Variants in RAPGEF2 observed in about 807,000 individuals in gnomAD.
RAPGEF2 encodes PDZ domain containing guanine nucleotide exchange factor (GEF) 1.
In RAPGEF2, 54 loss-of-function variants were observed where a neutral mutation model predicts 186.7. The observed-to-expected ratio is 0.29, with a 90% CI of 0.23 to 0.36. The LOEUF (loss-of-function observed/expected upper bound fraction) is 0.36, where lower values mean the gene tolerates loss of function less well. Among genes scored for constraint, RAPGEF2 ranks in the 10% least tolerant of loss-of-function variants. The pLI is 1.00. For missense variants in RAPGEF2, 1,532 were observed against 2,045.0 expected (o/e 0.75, Z 4.84); for synonymous variants, 712 against 705.9 (o/e 1.01, Z -0.14).
At chr4:159,294,152 T>C (rs1008439306) in intron 7 of RAPGEF2, among the ~76,000 whole-genome samples, 2 of 152,244 alleles carry the variant, frequency 1.3e-5, no homozygotes, top group African/African-American at 4.8e-5. Flanking sequence ...TATGGGTTAA[T>C]GTTTTTAATT....
At chr4:159,176,719 A>G (rs1006003362) in intron 1 of RAPGEF2, among the ~76,000 whole-genome samples, 15 of 152,258 alleles carry the variant, frequency 9.9e-5, no homozygotes, top group East Asian at 1.9e-4. Flanking sequence ...AGTAACTCCA[A>G]TGTGACCTGA....
chr4:159,254,992 C>T (rs914909120), intron 7 of RAPGEF2, among the ~76,000 whole-genome samples: 1 of 152,176 alleles, frequency 6.6e-6, no homozygotes, highest in Non-Finnish European at 1.5e-5. Context: ...AGATGAAGTA[C>T]AGTATTTTTA....
intron 7 of RAPGEF2, among the ~76,000 whole-genome samples, chr4:159,290,443 G>A (rs893558706): frequency 7.9e-5 from 12 of 152,326 alleles, no homozygotes; most frequent in African/African-American, 2.9e-4. Flanking sequence ...TTCAACCTAG[G>A]ATGATACATC....
rs79598921 is a variant in RAPGEF2 at position 159,181,291 on chromosome 4, G to T, written c.70-5351G>T. On this transcript the variant is annotated intron_variant, in intron 1 of 29. Transcript: ENST00000691494. The stretch of plus-strand genomic sequence containing the variant: ...TCTGTCTTGAGGCTTCCAAATTCTT[G>T]CTTCTACTGTGTCTCTTAGACTTCT... Among the ~76,000 whole-genome samples the T allele has an allele frequency of 9.1e-3, 1,389 of 152,204 alleles. 18 individuals are homozygous for T. Among genetic ancestry groups the T allele is most frequent in the African/African-American group, 0.032 (1,331 of 41,540 alleles).
intron 11 of RAPGEF2, among the ~76,000 whole-genome samples, chr4:159,324,811 C>A (rs1341396287): frequency 6.6e-6 from 1 of 152,080 alleles, no homozygotes; most frequent in Non-Finnish European, 1.5e-5. Flanking sequence ...CTGGCAACCA[C>A]TATATTACAG....
intron 4 of RAPGEF2, among the ~76,000 whole-genome samples, chr4:159,230,124 G>A (rs1429515017): frequency 6.6e-6 from 1 of 152,190 alleles, no homozygotes; most frequent in Non-Finnish European, 1.5e-5. Context: ...TTCATTCTGT[G>A]TAGAAGGAGA....
At chr4:159,338,524 A>T in intron 18 of RAPGEF2, 56 bp downstream of exon 18, 1 of 1,469,312 alleles carries the variant, frequency 6.8e-7, no homozygotes, top group Non-Finnish European at 9.4e-7. Flanking sequence ...TATTTCTAAC[A>T]TAATGGTCAT....
chr4:159,306,079 T>C (rs1763253855), intron 8 of RAPGEF2, among the ~76,000 whole-genome samples: 1 of 152,008 alleles, frequency 6.6e-6, no homozygotes, highest in Non-Finnish European at 1.5e-5. Flanking sequence ...TATAATTTGT[T>C]CTTTCTGCTC....
At chr4:159,163,904 CTT>C (rs137882436) in intron 1 of RAPGEF2, among the ~76,000 whole-genome samples, 3,000 of 152,158 alleles carry the variant, frequency 0.02, 107 homozygotes, top group South Asian at 0.1. Flanking sequence ...AATGAGCAAA[CTT>C]AGGTTGTATC....
chr4:159,155,612 G>A (rs1438469113), intron 1 of RAPGEF2, among the ~76,000 whole-genome samples: 1 of 152,180 alleles, frequency 6.6e-6, no homozygotes, highest in Non-Finnish European at 1.5e-5. Flanking sequence ...TAGGAGAGTA[G>A]AAATTCCTGG....
At chr4:159,157,179 TAA>T (rs1230097872) in intron 1 of RAPGEF2, among the ~76,000 whole-genome samples, 2 of 152,162 alleles carry the variant, frequency 1.3e-5, no homozygotes, top group Non-Finnish European at 2.9e-5. Context: ...TCATGACCTA[TAA>T]ATGTCAATAA....
chr4:159,229,099 A>G (rs905464152), intron 4 of RAPGEF2, among the ~76,000 whole-genome samples: 7 of 152,218 alleles, frequency 4.6e-5, no homozygotes, highest in Non-Finnish European at 1.5e-5. Context: ...AATAAAATGT[A>G]GTAACTGCCT....
chr4:159,104,829 C>T (rs1428660396), intron 1 of RAPGEF2, among the ~76,000 whole-genome samples: 1 of 152,104 alleles, frequency 6.6e-6, no homozygotes, highest in Non-Finnish European at 1.5e-5. Flanking sequence ...TGTATGTTTA[C>T]TGTTTTGCTT....
intron 1 of RAPGEF2, among the ~76,000 whole-genome samples, chr4:159,127,484 C>T (rs1326846124): frequency 6.6e-6 from 1 of 152,176 alleles, no homozygotes; most frequent in Non-Finnish European, 1.5e-5. Flanking sequence ...GAAGCATCTT[C>T]TAGTTGCTTA....
intron 1 of RAPGEF2, among the ~76,000 whole-genome samples, chr4:159,182,460 A>G (rs913825143): frequency 2.8e-5 from 4 of 140,426 alleles, no homozygotes; most frequent in East Asian, 2.0e-4. Context: ...CAGTGGTACA[A>G]TCTCGGCTCA....
chr4:159,304,096 C>G (rs149611342), intron 7 of RAPGEF2, among the ~76,000 whole-genome samples: 2 of 152,172 alleles, frequency 1.3e-5, no homozygotes, highest in Admixed American at 1.3e-4. Context: ...ATCTTAATAA[C>G]CAAACCCACC....
chr4:159,324,945 G>A (rs1476666510), intron 11 of RAPGEF2, among the ~76,000 whole-genome samples: 2 of 152,094 alleles, frequency 1.3e-5, no homozygotes, highest in African/African-American at 2.4e-5. Context: ...TAAACTAATT[G>A]TCAGTTGTAT....
intron 1 of RAPGEF2, among the ~76,000 whole-genome samples, chr4:159,117,963 GT>G (rs958594461): frequency 5.4e-5 from 8 of 149,338 alleles, no homozygotes; most frequent in East Asian, 2.0e-4. Flanking sequence ...GCTATATTAT[GT>G]TTTTTTTTTC....
At chr4:159,184,820 G>C (rs1434683203) in intron 1 of RAPGEF2, among the ~76,000 whole-genome samples, 1 of 152,156 alleles carries the variant, frequency 6.6e-6, no homozygotes, top group Non-Finnish European at 1.5e-5. Context: ...CCTTGCCCAT[G>C]CCTATGTCCT....
Sources: allele counts gnomAD v4.1 joint callset (sites outside exome capture counted in the v4.1 genomes callset), GRCh38; gene constraint gnomAD v4.1.1; transcripts MANE v1.5; gene names NCBI Gene and HGNC (gene_info 2026-07-23, HGNC 2026-07-21).